The following ILKAP variants were observed in gnomAD, a reference collection of about 807,000 sequenced individuals.
ILKAP encodes ILK associated serine/threonine phosphatase.
A neutral mutation model predicts 49.1 loss-of-function variants in ILKAP; 11 were observed. That is an observed-to-expected ratio of 0.22 (90% CI 0.14 to 0.37). ILKAP has a LOEUF of 0.37. Among genes scored for constraint, ILKAP ranks in the 10% least tolerant of loss-of-function variants. The pLI is 1.00. For synonymous variants in ILKAP, 186 were observed against 192.8 expected (o/e 0.96, Z 0.29); for missense variants, 363 against 510.8 (o/e 0.71, Z 2.79).
intron 9 of ILKAP, among the ~76,000 whole-genome samples, chr2:238,175,406 C>T (rs1425571846): frequency 6.6e-6 from 1 of 152,116 alleles, no homozygotes; most frequent in Admixed American, 6.5e-5. Context: ...TTCAAAGTTC[C>T]ATATACAGAG....
chr2:238,170,775 T>C (rs1693179964), intron 11 of ILKAP, 99 bp from the exon 12 acceptor site: 25 of 1,573,786 alleles, frequency 1.6e-5, no homozygotes, highest in Non-Finnish European at 2.1e-5. Flanking sequence ...CTGGTCTCCA[T>C]CAGGGCTGGC....
intron 1 of ILKAP, among the ~76,000 whole-genome samples, chr2:238,197,064 C>T (rs140315677): frequency 3.3e-5 from 5 of 152,222 alleles, no homozygotes; most frequent in Admixed American, 2.6e-4. Flanking sequence ...GGCATGGTGG[C>T]GGGTGCCTGT....
rs1693791947 is a variant in ILKAP, at chr2:238,183,813, A to G, written c.627-73T>C. ...CTTTGAGACTAATTTCCAGAGCTCA[A>G]TGGGAAGTATCTTATATTTCAAAAT... On this transcript the variant is annotated intron_variant, in intron 7 of 11. Transcript: ENST00000254654. 5 of 1,138,012 alleles carry G rather than the reference A, an allele frequency of 4.4e-6. No individual in the cohort carries two copies. The East Asian group carries it at 9.4e-5, about 21-fold the overall frequency. 70.5% of individuals were successfully genotyped at this position (1,138,012 alleles called of 1,614,324 possible).
intron 5 of ILKAP, chr2:238,186,019 C>G (rs763495417): frequency 6.6e-6 from 1 of 152,178 alleles, no homozygotes; most frequent in African/African-American, 2.4e-5. Flanking sequence ...GAACTCCGTT[C>G]CTATTTAAAT....
At chr2:238,172,047 T>TTGC in intron 10 of ILKAP, among the ~76,000 whole-genome samples, 1 of 152,282 alleles carries the variant, frequency 6.6e-6, no homozygotes, top group South Asian at 2.1e-4. Flanking sequence ...TTGTTTTTTG[T>TTGC]TGCTGCTGCT....
At chr2:238,185,565 A>G in intron 5 of ILKAP, 1 of 282,542 alleles carries the variant, frequency 3.5e-6, no homozygotes, top group Non-Finnish European at 6.9e-6. Context: ...GCGCTTTGGG[A>G]GGCCGAGGCA....
At chr2:238,202,398 C>G (rs1434976975) in intron 1 of ILKAP, among the ~76,000 whole-genome samples, 2 of 152,100 alleles carry the variant, frequency 1.3e-5, no homozygotes, top group Admixed American at 1.3e-4. Flanking sequence ...GTTTTAATTA[C>G]CGTAATTAGT....
chr2:238,170,771 T>TC, intron 11 of ILKAP, 95 bp from the exon 12 acceptor site: 1 of 1,575,866 alleles, frequency 6.3e-7, no homozygotes, highest in Non-Finnish European at 8.7e-7. Context: ...TGCTCTGGTC[T>TC]CCATCAGGGC....
chr2:238,183,288 T>C (rs1400382536), intron 8 of ILKAP, among the ~76,000 whole-genome samples: 2 of 152,172 alleles, frequency 1.3e-5, no homozygotes, highest in East Asian at 3.8e-4. Flanking sequence ...TTTTCATTCA[T>C]TACTGTCTAA....
In ILKAP at chr2:238,170,637, C is replaced by CG; in HGVS notation, c.1077dup (p.Asp360ArgfsTer48). 6.2e-7 allele frequency: 1 copy of CG among 1,601,058 alleles called. No individual in the cohort carries two copies. The highest frequency in any genetic ancestry group is 8.5e-7 in the Non-Finnish European group (1 of 1,169,818). ...TTGCAGGCTGCTTCGTAGCGGGCGT[C>CG]GGCTGCGGACTTCCCTTCCCGGGTC... On this transcript the variant is annotated frameshift_variant, in exon 12 of 12. Transcript: ENST00000254654. LOFTEE classifies it high-confidence loss of function.
intron 8 of ILKAP, 26 bp downstream of exon 8, chr2:238,183,626 TA>T: frequency 1.3e-6 from 2 of 1,509,772 alleles, no homozygotes; most frequent in Non-Finnish European, 1.8e-6. Flanking sequence ...TATTGTCATC[TA>T]AGTGGGTGGC....
chr2:238,178,236 C>T (rs1693547566), intron 9 of ILKAP, among the ~76,000 whole-genome samples: 2 of 152,234 alleles, frequency 1.3e-5, no homozygotes, highest in Non-Finnish European at 2.9e-5. Context: ...GGCTGGAGTG[C>T]AGTGGCACAA....
At chr2:238,201,693 T>C (rs1434432914) in intron 1 of ILKAP, among the ~76,000 whole-genome samples, 2 of 152,198 alleles carry the variant, frequency 1.3e-5, no homozygotes, top group Admixed American at 6.5e-5. Flanking sequence ...ACCTAATTAA[T>C]TGCAGGTAAA....
Position 238,170,553 on chromosome 2 carries a change from C to T in ILKAP, c.1162G>A (p.Val388Met). The change falls in exon 12 of 12, where the codon GTG becomes ATG. Residue 388 changes from valine to methionine, a missense_variant. Transcript: ENST00000254654. ...GCCACCCCTCAGTGCCCTATCCGCACCACCATCACAGTGACGTTGTCGGCC... is the reference window on the plus strand; with the variant it reads ...GCCACCCCTCAGTGCCCTATCCGCATCACCATCACAGTGACGTTGTCGGCC... Reference protein sequence around the residue: ...GSADNVTVMVVRIGH With the variant: ...GSADNVTVMVMRIGH The T allele has an allele frequency of 6.2e-7, 1 of 1,604,178 alleles. No homozygotes were observed. The highest frequency in any genetic ancestry group is 8.5e-7 in the Non-Finnish European group (1 of 1,172,386).
intron 1 of ILKAP, among the ~76,000 whole-genome samples, chr2:238,198,407 T>G (rs1484403231): frequency 6.7e-6 from 1 of 148,738 alleles, no homozygotes; most frequent in East Asian, 1.9e-4. Context: ...CCCAGCTAAT[T>G]TTTTAACTTT....
At chr2:238,192,515 T>C (rs1461533928) in intron 3 of ILKAP, among the ~76,000 whole-genome samples, 2 of 151,908 alleles carry the variant, frequency 1.3e-5, no homozygotes, top group Non-Finnish European at 2.9e-5. Flanking sequence ...CTGGCTAACA[T>C]GGTGAAACCC....
In ILKAP at chr2:238,203,482, G is replaced by C; in HGVS notation, c.55+17C>G. On this transcript the variant is annotated intron_variant, in intron 1 of 11. Transcript: ENST00000254654. ...TGCTCTCCCTTCCCTGGCCGGCCCGGCGGCAACGCCGCTTACCGGCAGCCG... is the reference window on the plus strand; with the variant it reads ...TGCTCTCCCTTCCCTGGCCGGCCCGCCGGCAACGCCGCTTACCGGCAGCCG... 3.2e-6 allele frequency: 4 copies of C among 1,245,774 alleles called. No homozygotes were observed. Among genetic ancestry groups the C allele is most frequent in the Non-Finnish European group, 3.1e-6 (3 of 981,784 alleles). The allele number at this position is 1,245,774 out of a possible 1,614,324, so 77.2% of individuals were successfully genotyped here.
At chr2:238,192,785 C>A (rs901278502) in intron 3 of ILKAP, among the ~76,000 whole-genome samples, 14 of 151,468 alleles carry the variant, frequency 9.2e-5, no homozygotes, top group Admixed American at 6.6e-4. Context: ...GAGGCTGAGG[C>A]GGACAGATCA....
At chr2:238,190,680 T>C (rs1694082422) in intron 3 of ILKAP, among the ~76,000 whole-genome samples, 2 of 152,082 alleles carry the variant, frequency 1.3e-5, no homozygotes, top group South Asian at 4.1e-4. Flanking sequence ...GCCTAACACA[T>C]CAATCTCCAA....
Sources: gnomAD v4.1 joint callset for allele counts (sites outside exome capture counted in the v4.1 genomes callset) on GRCh38, gnomAD v4.1.1 for gene constraint, MANE v1.5 for transcripts, NCBI Gene and HGNC (gene_info 2026-07-23, HGNC 2026-07-21) for gene names.